Variants in KATNIP observed in about 807,000 individuals in gnomAD.
The protein encoded by KATNIP is katanin-interacting protein.
A neutral mutation model predicts 174.0 loss-of-function variants in KATNIP; 126 were observed. The ratio of observed to expected loss-of-function variants is 0.72; its 90% CI spans 0.63 to 0.84. The LOEUF is 0.84. Among genes scored for constraint, KATNIP ranks in the 40% least tolerant of loss-of-function variants. The probability of loss-of-function intolerance (pLI) is 0.00; values close to 1 mark genes in which losing one functional copy is unlikely to be tolerated. For synonymous variants in KATNIP, 810 were observed against 835.7 expected (o/e 0.97, Z 0.53); for missense variants, 1,958 against 2,109.7 (o/e 0.93, Z 1.41).
chr16:27,658,504 C>G (rs2077368213), intron 6 of KATNIP, among the ~76,000 whole-genome samples: 1 of 152,024 alleles, frequency 6.6e-6, no homozygotes. Context: ...TTTAAAAAAT[C>G]AAAATTAAAA....
intron 14 of KATNIP, 47 bp downstream of exon 14, chr16:27,721,742 G>T: frequency 6.3e-7 from 1 of 1,592,448 alleles, no homozygotes; most frequent in Non-Finnish European, 8.6e-7. Context: ...GTTGATGGAA[G>T]CACTTAGCAG....
At chr16:27,696,981 G>A (rs1374640763) in intron 8 of KATNIP, among the ~76,000 whole-genome samples, 3 of 151,954 alleles carry the variant, frequency 2.0e-5, no homozygotes, top group East Asian at 1.9e-4. Flanking sequence ...CACCCACCTC[G>A]ACCTCCCAAA....
intron 13 of KATNIP, among the ~76,000 whole-genome samples, chr16:27,720,496 CTTTTTTTT>C (rs56263804): frequency 8.0e-6 from 1 of 124,574 alleles, no homozygotes; most frequent in Non-Finnish European, 1.6e-5. Flanking sequence ...GGGTTTTGTT[CTTTTTTTT>C]TTTTTTTTTT....
chr16:27,689,320 G>A (rs1175865764), intron 8 of KATNIP, among the ~76,000 whole-genome samples: 2 of 152,068 alleles, frequency 1.3e-5, no homozygotes, highest in African/African-American at 4.8e-5. Flanking sequence ...GGAGGCTGAG[G>A]TTGGAGAATC....
At chr16:27,730,568 C>G (rs1384964702) in intron 14 of KATNIP, among the ~76,000 whole-genome samples, 2 of 152,320 alleles carry the variant, frequency 1.3e-5, no homozygotes, top group East Asian at 3.9e-4. Flanking sequence ...CTTCTCTCCT[C>G]TCTGCCTTAG....
rs1047636930 is a variant in KATNIP at position 27,730,766 on chromosome 16, GTTC to G, written c.1743+9074_1743+9076del. Among the ~76,000 whole-genome samples, 6 of 152,324 alleles carry G rather than the reference GTTC, an allele frequency of 3.9e-5. No homozygotes were observed. The East Asian group carries it at 7.7e-4, about 20-fold the overall frequency. ...CATCAAGTCCCTGCTTCCTGAGGGT[GTTC>G]TTAGGGTTCTGAGCTTCTGATGTAC... is the stretch of plus-strand genomic sequence containing the variant. On this transcript the variant is annotated intron_variant, in intron 14 of 27. Coordinates refer to ENST00000261588, the MANE Select transcript of KATNIP (RefSeq NM_015202.5).
At position 27,740,248 on chromosome 16, in the gene KATNIP, G is replaced by A. The variant is rs765587892; in HGVS notation, c.1951G>A (p.Gly651Arg). The change falls in exon 15 of 28, where the codon GGG (glycine) becomes AGG (arginine). Residue 651 changes from glycine (G) to arginine (R), a missense_variant. Gly to Arg is a moderately radical substitution (Grantham distance 125). This residue lies in a region of KATNIP where 1,557 missense variants were observed against 1,617.8 expected (regional missense o/e 0.96). Transcript: ENST00000261588. ...KGTHEMAGAS[G>R]DKELGLGCSP... ...CACCCATGAGATGGCTGGTGCCAGC[G>A]GGGACAAGGAGCTTGGTCTCGGTTG... is the stretch of plus-strand genomic sequence containing the variant. 1.2e-5 allele frequency: 19 copies of A among 1,614,068 alleles called. No homozygotes were observed. The highest frequency in any genetic ancestry group is 2.7e-5 in the African/African-American group (2 of 74,924).
chr16:27,565,491 G>T (rs1218663213), intron 1 of KATNIP, among the ~76,000 whole-genome samples: 1 of 150,392 alleles, frequency 6.6e-6, no homozygotes, highest in African/African-American at 2.4e-5. Context: ...GGAAAGAAAA[G>T]AAATAATGGG....
At chr16:27,747,142 A>G (rs185955490) in intron 15 of KATNIP, among the ~76,000 whole-genome samples, 72 of 152,340 alleles carry the variant, frequency 4.7e-4, no homozygotes, top group African/African-American at 1.7e-3. Flanking sequence ...GGACACCCCC[A>G]GACTGAGGGT....
At chr16:27,611,409 G>A (rs1275530985) in intron 2 of KATNIP, among the ~76,000 whole-genome samples, 4 of 152,130 alleles carry the variant, frequency 2.6e-5, no homozygotes, top group African/African-American at 2.4e-5. Context: ...TCAGAACAAC[G>A]AGGGTTAACT....
chr16:27,744,909 T>C (rs2081231765), intron 15 of KATNIP, among the ~76,000 whole-genome samples: 1 of 152,094 alleles, frequency 6.6e-6, no homozygotes, highest in Non-Finnish European at 1.5e-5. Flanking sequence ...AATGAGACTC[T>C]GTCTCAGAAA....
At chr16:27,775,601 G>A (rs2144276578) in intron 24 of KATNIP, among the ~76,000 whole-genome samples, 1 of 152,342 alleles carries the variant, frequency 6.6e-6, no homozygotes, top group East Asian at 1.9e-4. Flanking sequence ...ATCTTGCACT[G>A]GGTCCTGCTT....
At chr16:27,572,507 A>G (rs1172838718) in intron 1 of KATNIP, among the ~76,000 whole-genome samples, 2 of 152,060 alleles carry the variant, frequency 1.3e-5, no homozygotes, top group African/African-American at 4.8e-5. Flanking sequence ...GTAACTCAGC[A>G]TGACAGCTCA....
intron 3 of KATNIP, among the ~76,000 whole-genome samples, chr16:27,623,536 T>G (rs1054507017): frequency 6.6e-6 from 1 of 152,166 alleles, no homozygotes; most frequent in Non-Finnish European, 1.5e-5. Context: ...CATAGCTCAC[T>G]GCACTCTCCA....
At position 27,576,888 on chromosome 16, in the gene KATNIP, G is replaced by A. The variant is rs192659446; in HGVS notation, c.63+2932G>A. Among the ~76,000 whole-genome samples the A allele has an allele frequency of 9.2e-5, 14 of 152,214 alleles. No homozygotes were observed. In the East Asian group the frequency reaches 2.5e-3, roughly 27 times the overall value. The stretch of plus-strand genomic sequence containing the variant: ...AATGTTGTATTTCTCAAGGTGGTAA[G>A]GTGGTGTGGCCAGCGCACTCCCTGG... On this transcript the variant is annotated intron_variant, in intron 2 of 27. Transcript: ENST00000261588.
At chr16:27,641,310 T>C (rs2076788666) in intron 5 of KATNIP, among the ~76,000 whole-genome samples, 1 of 152,058 alleles carries the variant, frequency 6.6e-6, no homozygotes, top group Non-Finnish European at 1.5e-5. Flanking sequence ...GACCTATTCT[T>C]CATCTCTCAA....
chr16:27,683,426 A>C (rs1039509314), intron 8 of KATNIP, among the ~76,000 whole-genome samples: 4 of 152,284 alleles, frequency 2.6e-5, no homozygotes, highest in Admixed American at 2.6e-4. Flanking sequence ...GCTATCCCCA[A>C]ACTGGTTCCT....
At chr16:27,625,171 A>G (rs1168535954) in intron 3 of KATNIP, among the ~76,000 whole-genome samples, 1 of 152,244 alleles carries the variant, frequency 6.6e-6, no homozygotes, top group Non-Finnish European at 1.5e-5. Flanking sequence ...GATGCACTCC[A>G]TTGCAGTAGG....
chr16:27,690,095 G>T (rs1042660526), intron 8 of KATNIP, among the ~76,000 whole-genome samples: 1 of 152,042 alleles, frequency 6.6e-6, no homozygotes, highest in African/African-American at 2.4e-5. Context: ...TTGAGCCTGG[G>T]AGTTCAAGAC....
Sources: gnomAD v4.1 joint callset for allele counts (sites outside exome capture counted in the v4.1 genomes callset) on GRCh38, gnomAD v4.1.1 for gene constraint, gnomAD v4.1.1 regional missense constraint, MANE v1.5 for transcripts, NCBI Gene and HGNC (gene_info 2026-07-23, HGNC 2026-07-21) for gene names.